The following RNF150 variants were observed in gnomAD, a reference collection of about 807,000 sequenced individuals.
RNF150 encodes ring finger protein 150.
RNF150 carries 24 observed loss-of-function variants against 39.3 expected under a neutral mutation model. The ratio of observed to expected loss-of-function variants is 0.61; its 90% CI spans 0.44 to 0.86. The LOEUF (loss-of-function observed/expected upper bound fraction) is 0.86, where lower values mean the gene tolerates loss of function less well. Ranked by LOEUF, RNF150 falls within the 40% of genes least tolerant of loss-of-function variation. RNF150 has a pLI of 0.00. For missense variants in RNF150, 502 were observed against 587.8 expected, an observed-to-expected ratio of 0.85 and a Z score of 1.51; for synonymous variants, 255 against 227.3, an observed-to-expected ratio of 1.12 and a Z score of -1.10.
chr4:140,925,522 T>C (rs1169435142), intron 5 of RNF150, among the ~76,000 whole-genome samples: 2 of 152,194 alleles, frequency 1.3e-5, no homozygotes, highest in African/African-American at 4.8e-5. Context: ...ACTTTCAGCC[T>C]CTGTCCTCCC....
At chr4:141,181,072 G>T (rs1372987443) in intron 1 of RNF150, among the ~76,000 whole-genome samples, 1 of 152,098 alleles carries the variant, frequency 6.6e-6, no homozygotes, top group Non-Finnish European at 1.5e-5. Context: ...CATGCTAGAG[G>T]TATTATCATA....
chr4:140,986,282 A>G (rs1402416936), intron 1 of RNF150, among the ~76,000 whole-genome samples: 2 of 152,096 alleles, frequency 1.3e-5, no homozygotes, highest in Non-Finnish European at 2.9e-5. Context: ...AGGTACTACA[A>G]GGGGGTTACA....
chr4:140,885,599 G>C (rs1048698891), intron 6 of RNF150, among the ~76,000 whole-genome samples: 2 of 151,506 alleles, frequency 1.3e-5, no homozygotes, highest in Non-Finnish European at 2.9e-5. Context: ...ACTATGCCCG[G>C]CTAGTTTTGT....
At chr4:140,869,286 T>G (rs555919763) in intron 6 of RNF150, among the ~76,000 whole-genome samples, 1 of 152,320 alleles carries the variant, frequency 6.6e-6, no homozygotes, top group Non-Finnish European at 1.5e-5. Flanking sequence ...AAAACAGAAA[T>G]ATTTAAAGCT....
intron 1 of RNF150, among the ~76,000 whole-genome samples, chr4:140,970,884 T>C (rs1365181393): frequency 3.3e-5 from 5 of 152,108 alleles, no homozygotes; most frequent in East Asian, 1.9e-4. Flanking sequence ...GAGTTCATCA[T>C]GGTAAAAACA....
intron 2 of RNF150, among the ~76,000 whole-genome samples, chr4:140,951,641 T>C (rs1732545557): frequency 6.6e-6 from 1 of 151,948 alleles, no homozygotes; most frequent in Non-Finnish European, 1.5e-5. Flanking sequence ...ATACATATTG[T>C]AAGGTAAGCA....
At chr4:140,955,704 G>A (rs979205454) in intron 2 of RNF150, among the ~76,000 whole-genome samples, 2 of 152,114 alleles carry the variant, frequency 1.3e-5, no homozygotes, top group African/African-American at 4.8e-5. Context: ...GCAGTTTCAG[G>A]GACAATTTTA....
At chr4:141,157,215 TC>T (rs34144656) in intron 1 of RNF150, among the ~76,000 whole-genome samples, 6 of 150,970 alleles carry the variant, frequency 4.0e-5, no homozygotes, top group Admixed American at 2.0e-4. Flanking sequence ...GCACAATATC[TC>T]CCCCCCCAAA....
intron 3 of RNF150, among the ~76,000 whole-genome samples, chr4:140,948,188 T>C (rs542981339): frequency 6.6e-6 from 1 of 152,252 alleles, no homozygotes; most frequent in Non-Finnish European, 1.5e-5. Context: ...GCTTATGTAA[T>C]AGTCCTTGTA....
Position 141,059,425 on chromosome 4 carries a change from G to A in RNF150, c.484+72900C>T, listed in dbSNP as rs564961223. On this transcript the variant is annotated intron_variant, in intron 1 of 6. Coordinates refer to ENST00000515673, the MANE Select transcript of RNF150 (RefSeq NM_020724.2). ...AAATGGAATGTTCTCTTGCCTATTT[G>A]CTTTCAACCATAAAGTCATATACAT... Among the ~76,000 whole-genome samples, 305 of 152,222 alleles carry A rather than the reference G, an allele frequency of 2.0e-3. 1 individual carries two copies. The highest frequency in any genetic ancestry group is 6.6e-3 in the African/African-American group (275 of 41,526).
chr4:141,092,755 C>G (rs939055116), intron 1 of RNF150, among the ~76,000 whole-genome samples: 1 of 151,528 alleles, frequency 6.6e-6, no homozygotes, highest in East Asian at 1.9e-4. Context: ...TAGCTTTATC[C>G]TTTTTGAGAA....
chr4:141,131,545 T>C (rs1188683688), intron 1 of RNF150, among the ~76,000 whole-genome samples: 1 of 152,226 alleles, frequency 6.6e-6, no homozygotes, highest in Non-Finnish European at 1.5e-5. Context: ...GGGACAGTAA[T>C]GCATTTCTAG....
At chr4:140,979,579 T>G (rs762668186) in intron 1 of RNF150, among the ~76,000 whole-genome samples, 6 of 151,760 alleles carry the variant, frequency 4.0e-5, no homozygotes, top group Non-Finnish European at 8.8e-5. Context: ...AATAAATACT[T>G]AGAGCATTCT....
At chr4:140,890,617 A>G (rs551158085) in intron 6 of RNF150, among the ~76,000 whole-genome samples, 2 of 152,336 alleles carry the variant, frequency 1.3e-5, no homozygotes, top group South Asian at 4.1e-4. Flanking sequence ...CACTGAGGAC[A>G]CAGAGAGACA....
At chr4:141,153,388 G>C (rs1727332112) in intron 1 of RNF150, among the ~76,000 whole-genome samples, 1 of 152,130 alleles carries the variant, frequency 6.6e-6, no homozygotes, top group Non-Finnish European at 1.5e-5. Context: ...GAGTAAGTCT[G>C]GACACAGATG....
At chr4:141,112,516 T>C (rs138160051) in intron 1 of RNF150, among the ~76,000 whole-genome samples, 10,025 of 152,264 alleles carry the variant, frequency 0.066, 450 homozygotes, top group Non-Finnish European at 0.098. Flanking sequence ...AAATTCTGGG[T>C]TGAAAATTCT....
chr4:141,184,541 A>G (rs569378927), intron 1 of RNF150, among the ~76,000 whole-genome samples: 2 of 151,780 alleles, frequency 1.3e-5, no homozygotes, highest in Non-Finnish European at 2.9e-5. Context: ...CTTTTTTTGC[A>G]ATTGCTTTTG....
chr4:140,925,578 C>T (rs963997657), intron 5 of RNF150, among the ~76,000 whole-genome samples: 3 of 152,102 alleles, frequency 2.0e-5, no homozygotes, highest in Non-Finnish European at 4.4e-5. Flanking sequence ...GCCAGGTGAT[C>T]GTGGGGCAAA....
intron 1 of RNF150, among the ~76,000 whole-genome samples, chr4:141,069,879 T>A (rs1238105826): frequency 1.3e-5 from 2 of 152,198 alleles, no homozygotes; most frequent in African/African-American, 4.8e-5. Flanking sequence ...TGATGGTAGT[T>A]TGTATTTGTG....
Sources: allele counts gnomAD v4.1 joint callset (sites outside exome capture counted in the v4.1 genomes callset), GRCh38; gene constraint gnomAD v4.1.1; transcripts MANE v1.5; gene names NCBI Gene and HGNC (gene_info 2026-07-23, HGNC 2026-07-21).